Variants in ULK4 observed in about 807,000 individuals in gnomAD.
ULK4 encodes inactive serine/threonine-protein kinase ULK4.
In ULK4, 133 loss-of-function variants were observed where a neutral mutation model predicts 160.6. That is an observed-to-expected ratio of 0.83 (90% CI 0.72 to 0.96). ULK4 has a LOEUF of 0.96. Among genes scored for constraint, ULK4 ranks in the 40% least tolerant of loss-of-function variants. The pLI is 0.00. For synonymous variants in ULK4, 534 were observed against 539.8 expected, an observed-to-expected ratio of 0.99 and a Z score of 0.15; for missense variants, 1,580 against 1,499.5, an observed-to-expected ratio of 1.05 and a Z score of -0.89.
intron 17 of ULK4, among the ~76,000 whole-genome samples, chr3:41,862,751 GAGTC>G (rs1191703211): frequency 1.3e-5 from 2 of 151,216 alleles, no homozygotes; most frequent in Non-Finnish European, 2.9e-5. Flanking sequence ...CGAACATACA[GAGTC>G]AGTCAGTCAG....
At chr3:41,402,959 T>C (rs540841427) in intron 34 of ULK4, among the ~76,000 whole-genome samples, 2 of 152,272 alleles carry the variant, frequency 1.3e-5, no homozygotes, top group Admixed American at 1.3e-4. Context: ...AAGAGCAGCC[T>C]GACTAACATG....
At chr3:41,719,864 C>T (rs992789965) in intron 22 of ULK4, among the ~76,000 whole-genome samples, 1 of 152,138 alleles carries the variant, frequency 6.6e-6, no homozygotes, top group Non-Finnish European at 1.5e-5. Flanking sequence ...ATGAACTTCA[C>T]GGCCTGACCC....
rs186193432 is a variant in ULK4 at position 41,254,770 on chromosome 3, C to G, written c.3679-5196G>C. On this transcript the variant is annotated intron_variant, in intron 35 of 36. Transcript: ENST00000301831. ...GGTGGAGGGTGCTTGTAAATCCCAG[C>G]TACTCAGGAGGCTGAGGCAGGAGAA... Among the ~76,000 whole-genome samples the G allele has an allele frequency of 2.6e-4, 39 of 151,848 alleles. No individual in the cohort carries two copies. The East Asian group carries it at 6.2e-3, about 24-fold the overall frequency.
chr3:41,496,840 C>T (rs912920370), intron 32 of ULK4, among the ~76,000 whole-genome samples: 4 of 152,004 alleles, frequency 2.6e-5, no homozygotes, highest in African/African-American at 9.7e-5. Context: ...TACTAATAGA[C>T]CCACGATTAG....
chr3:41,499,520 T>A lies in ULK4; in HGVS notation c.3227-36267A>T, dbSNP rs368081748. On this transcript the variant is annotated intron_variant, in intron 32 of 36. Transcript: ENST00000301831. The stretch of plus-strand genomic sequence containing the variant: ...TTTTTATTGATCGGCACAAAATACG[T>A]GGTGGGCTCACAGCCTGGGTATAAC... Among the ~76,000 whole-genome samples, 27 of 152,298 alleles carry A rather than the reference T, an allele frequency of 1.8e-4. No individual in the cohort carries two copies. In the South Asian group the frequency reaches 5.2e-3, roughly 29 times the overall value.
chr3:41,246,871 T>G lies in ULK4; in HGVS notation c.*58A>C. 2 of 1,589,150 alleles carry G rather than the reference T, an allele frequency of 1.3e-6. No individual in the cohort carries two copies. Among genetic ancestry groups the G allele is most frequent in the South Asian group, 2.3e-5 (2 of 88,316 alleles). ...GGCAAAGGTGTCTGGGAGCTGACCT[T>G]GCTTATGCATCCGAGGGCTGGGGCC... On this transcript the variant is annotated 3_prime_UTR_variant, in exon 37 of 37. Coordinates refer to ENST00000301831, the MANE Select transcript of ULK4 (RefSeq NM_017886.4).
intron 35 of ULK4, among the ~76,000 whole-genome samples, chr3:41,354,928 C>A (rs2080998331): frequency 6.6e-6 from 1 of 152,200 alleles, no homozygotes; most frequent in Non-Finnish European, 1.5e-5. Context: ...GCTCCTCCCT[C>A]TAGTGATGGC....
intron 2 of ULK4, among the ~76,000 whole-genome samples, chr3:41,942,539 C>T (rs564023904): frequency 6.6e-6 from 1 of 151,858 alleles, no homozygotes; most frequent in East Asian, 1.9e-4. Context: ...ATAAATAGGC[C>T]GGGCGCGGTG....
intron 14 of ULK4, 71 bp downstream of exon 14, chr3:41,898,361 T>G: frequency 1.0e-6 from 1 of 966,452 alleles, no homozygotes; most frequent in South Asian, 1.7e-5. Context: ...ATATTCTATT[T>G]GCAAATAAAT....
At chr3:41,319,655 C>A (rs1028111659) in intron 35 of ULK4, among the ~76,000 whole-genome samples, 9 of 152,212 alleles carry the variant, frequency 5.9e-5, no homozygotes, top group Admixed American at 3.9e-4. Context: ...AAACATCTAA[C>A]ATTTATTTGG....
intron 22 of ULK4, among the ~76,000 whole-genome samples, chr3:41,738,038 TC>T (rs2038115331): frequency 6.6e-6 from 1 of 150,838 alleles, no homozygotes; most frequent in South Asian, 2.1e-4. Flanking sequence ...TAAAACCAAA[TC>T]ATAAAAATTA....
chr3:41,749,641 G>A (rs2038548237), intron 22 of ULK4, among the ~76,000 whole-genome samples: 1 of 152,082 alleles, frequency 6.6e-6, no homozygotes, highest in Admixed American at 6.6e-5. Flanking sequence ...AACTTATGAT[G>A]GGTTTATTGA....
At chr3:41,568,502 T>A (rs1420319182) in intron 31 of ULK4, among the ~76,000 whole-genome samples, 2 of 152,228 alleles carry the variant, frequency 1.3e-5, no homozygotes, top group Non-Finnish European at 2.9e-5. Context: ...ATCGATCTCA[T>A]GCTAACCTTG....
intron 21 of ULK4, among the ~76,000 whole-genome samples, chr3:41,774,004 A>G (rs2039508422): frequency 6.6e-6 from 1 of 152,206 alleles, no homozygotes; most frequent in African/African-American, 2.4e-5. Flanking sequence ...GGTGCTGGGA[A>G]AACTGGCTAG....
intron 17 of ULK4, among the ~76,000 whole-genome samples, chr3:41,860,460 T>TATC (rs2042474103): frequency 6.6e-6 from 1 of 152,236 alleles, no homozygotes; most frequent in Non-Finnish European, 1.5e-5. Flanking sequence ...CTGACTCCTT[T>TATC]ATCATTATGT....
intron 32 of ULK4, among the ~76,000 whole-genome samples, chr3:41,520,460 G>C (rs1468481019): frequency 6.6e-6 from 1 of 152,068 alleles, no homozygotes; most frequent in Non-Finnish European, 1.5e-5. Flanking sequence ...CTTTTCATCT[G>C]GTGATGGAGA....
chr3:41,939,229 CG>C (rs1559663819), intron 2 of ULK4, among the ~76,000 whole-genome samples: 1 of 151,206 alleles, frequency 6.6e-6, no homozygotes, highest in Non-Finnish European at 1.5e-5. Flanking sequence ...GGTGCAATCT[CG>C]GCTCACTGCA....
chr3:41,374,723 G>T (rs2081443770), intron 35 of ULK4, among the ~76,000 whole-genome samples: 1 of 152,116 alleles, frequency 6.6e-6, no homozygotes. Flanking sequence ...TTGAAAACTG[G>T]CACAAGACAA....
intron 4 of ULK4, among the ~76,000 whole-genome samples, chr3:41,932,630 A>G (rs1699638153): frequency 6.6e-6 from 1 of 152,242 alleles, no homozygotes; most frequent in African/African-American, 2.4e-5. Context: ...ATAATTTGTG[A>G]TTAGAATCTA....
Sources: gnomAD v4.1 joint callset for allele counts (sites outside exome capture counted in the v4.1 genomes callset) on GRCh38, gnomAD v4.1.1 for gene constraint, MANE v1.5 for transcripts, NCBI Gene and HGNC (gene_info 2026-07-23, HGNC 2026-07-21) for gene names.